The following ZIM3 variants were observed in gnomAD, a reference collection of about 807,000 sequenced individuals.
ZIM3 encodes the protein zinc finger imprinted 3, also known as zinc finger protein 657.
A neutral mutation model predicts 12.9 loss-of-function variants in ZIM3; 11 were observed. That is an observed-to-expected ratio of 0.85 (90% CI 0.54 to 1.41). The LOEUF is 1.41. Ranked by LOEUF, ZIM3 falls within the 40% of genes most tolerant of loss-of-function variation. The probability of loss-of-function intolerance (pLI) is 0.00; values close to 1 mark genes in which losing one functional copy is unlikely to be tolerated. For synonymous variants in ZIM3, 205 were observed against 198.5 expected (o/e 1.03, Z -0.28); for missense variants, 604 against 557.2 (o/e 1.08, Z -0.85).
Position 57,135,333 on chromosome 19 carries a change from T to C in ZIM3, c.1004A>G (p.Tyr335Cys), listed in dbSNP as rs374201419. The C allele has an allele frequency of 4.5e-5, 72 of 1,613,980 alleles. No homozygotes were observed. The Admixed American group carries it at 6.0e-4, about 13-fold the overall frequency. The change falls in exon 5 of 5, where the codon TAT (tyrosine) becomes TGT (cysteine). Residue 335 changes from tyrosine (Y) to cysteine (C), a missense_variant. By Grantham distance (194) the Tyr-to-Cys change is radical. Coordinates refer to ENST00000269834, the MANE Select transcript of ZIM3 (RefSeq NM_052882.1). Reference sequence around the variant, plus strand: ...GGCCTTCTCACATATGCTACATTTATAGGGTTTCTCTCCCGTGTGTATTCT... The same window carrying C: ...GGCCTTCTCACATATGCTACATTTACAGGGTTTCTCTCCCGTGTGTATTCT... The part of the protein sequence containing the change: ...HQRIHTGEKP[Y>C]KCSICEKAFS...
In ZIM3 at chr19:57,135,821, A is replaced by G. The variant is rs1265817071; in HGVS notation, c.516T>C (p.Cys172=). ...FVGQQLKCNA[C]RKLFSSKSRL... The stretch of plus-strand genomic sequence containing the variant: ...GTGACTTTGAACTGAATAACTTTCT[A>G]CAGGCATTACATTTCAGTTGTTGTC... The change falls in exon 5 of 5, where the codon TGT becomes TGC. Residue 172 remains cysteine, a synonymous_variant. Transcript: ENST00000269834. 1.2e-6 allele frequency: 2 copies of G among 1,614,154 alleles called. No homozygotes were observed. Among genetic ancestry groups the G allele is most frequent in the Admixed American group, 1.7e-5 (1 of 60,022 alleles).
chr19:57,141,896 A>G (rs1390738959), intron 2 of ZIM3, among the ~76,000 whole-genome samples: 3 of 151,368 alleles, frequency 2.0e-5, no homozygotes, highest in Non-Finnish European at 4.4e-5. Context: ...GAAACTCACC[A>G]CAACAGATGT....
At chr19:57,139,674 C>T (rs1234301341) in intron 2 of ZIM3, among the ~76,000 whole-genome samples, 3 of 152,182 alleles carry the variant, frequency 2.0e-5, no homozygotes, top group Non-Finnish European at 2.9e-5. Flanking sequence ...TTGCAGTGAG[C>T]TGAGATCACA....
intron 3 of ZIM3, among the ~76,000 whole-genome samples, chr19:57,138,116 G>GAAGGAGGC (rs2086898064): frequency 4.0e-5 from 1 of 25,164 alleles, no homozygotes; most frequent in African/African-American, 8.8e-5. Flanking sequence ...AGGAGGCAGG[G>GAAGGAGGC]AGGGAGGGAG....
chr19:57,139,616 C>G lies in ZIM3; in HGVS notation c.16-1018G>C, dbSNP rs989259704. 2.0e-5 allele frequency among the ~76,000 whole-genome samples: 3 copies of G among 151,950 alleles called. No individual in the cohort carries two copies. The South Asian group carries it at 6.2e-4, about 32-fold the overall frequency. On this transcript the variant is annotated intron_variant, in intron 2 of 4. Coordinates refer to ENST00000269834, the MANE Select transcript of ZIM3 (RefSeq NM_052882.1). ...TGGTGCGCGCCTGTAATCCCAGCTA[C>G]TCAGGAGGCTGAGGCAGGAGAATCG...
intron 3 of ZIM3, among the ~76,000 whole-genome samples, chr19:57,137,518 G>C (rs2086892066): frequency 6.6e-6 from 1 of 151,684 alleles, no homozygotes; most frequent in South Asian, 2.1e-4. Context: ...TTCAAGACTA[G>C]CCTCACCAAC....
At chr19:57,137,150 G>T (rs1252184644) in intron 3 of ZIM3, among the ~76,000 whole-genome samples, 179 bp from the exon 4 acceptor site, 1 of 152,138 alleles carries the variant, frequency 6.6e-6, no homozygotes, top group African/African-American at 2.4e-5. Flanking sequence ...GTGGATGGAT[G>T]GTTTGAGGGA....
intron 2 of ZIM3, among the ~76,000 whole-genome samples, chr19:57,140,762 A>G (rs529517037): frequency 6.6e-6 from 1 of 152,092 alleles, no homozygotes; most frequent in East Asian, 1.9e-4. Context: ...GTGAGCCACC[A>G]CACCCAGCCT....
intron 4 of ZIM3, among the ~76,000 whole-genome samples, chr19:57,136,523 G>A (rs926088824): frequency 2.0e-5 from 3 of 151,962 alleles, no homozygotes; most frequent in Admixed American, 6.6e-5. Flanking sequence ...AATTCGCCGG[G>A]CATGGTGGCA....
At chr19:57,143,344 A>AG (rs369066233) in intron 1 of ZIM3, among the ~76,000 whole-genome samples, 28 of 146,876 alleles carry the variant, frequency 1.9e-4, no homozygotes, top group African/African-American at 6.1e-4. Context: ...AAAAAAAAAA[A>AG]AGAGAGAGAG....
In ZIM3 at chr19:57,145,115, C is replaced by T. The variant is rs1222199786; in HGVS notation, c.-299G>A. 2 of 152,166 alleles carry T rather than the reference C, an allele frequency of 1.3e-5. No individual in the cohort carries two copies. Among genetic ancestry groups the T allele is most frequent in the South Asian group, 2.1e-4 (1 of 4,836 alleles). 9.4% of individuals were successfully genotyped at this position (152,166 alleles called of 1,614,324 possible). A position where few individuals can be genotyped will look rare whatever the true frequency, so the allele number is the denominator to read the frequency against. Reference sequence around the variant, plus strand: ...AAATTTCAATTCCCAATTCTTTCCTCGACTTCTCCAAAACTGAATGAACTC... The same window carrying T: ...AAATTTCAATTCCCAATTCTTTCCTTGACTTCTCCAAAACTGAATGAACTC... On this transcript the variant is annotated 5_prime_UTR_variant, in exon 1 of 5. Coordinates refer to ENST00000269834, the MANE Select transcript of ZIM3 (RefSeq NM_052882.1).
At chr19:57,138,214 G>C (rs113014641) in intron 3 of ZIM3, among the ~76,000 whole-genome samples, 2 of 152,226 alleles carry the variant, frequency 1.3e-5, no homozygotes, top group African/African-American at 2.4e-5. Context: ...CCAGGAGTAG[G>C]GTGAAGGGCA....
chr19:57,141,441 G>C (rs1262761525), intron 2 of ZIM3, among the ~76,000 whole-genome samples: 1 of 149,536 alleles, frequency 6.7e-6, no homozygotes, highest in African/African-American at 2.5e-5. Context: ...AAAGATGCTT[G>C]AGCTGAAACC....
chr19:57,135,983 T>C lies in ZIM3; in HGVS notation c.354A>G (p.Val118=), dbSNP rs2086885079. ...GTATTTTCTTAGATCCGTCACATTC[T>C]ACACCTTTCTGCGTAGTCAGCGTTT... ...NKETLTTQKG[V]ECDGSKKILP... The change falls in exon 5 of 5, where the codon GTA becomes GTG. Residue 118 remains valine (V), a synonymous_variant. Transcript: ENST00000269834. 6.2e-7 allele frequency: 1 copy of C among 1,614,226 alleles called. No individual in the cohort carries two copies.
Position 57,137,049 on chromosome 19 carries a change from C to A in ZIM3, c.143-78G>T, listed in dbSNP as rs1249587832. The A allele has an allele frequency of 3.7e-6, 5 of 1,344,128 alleles. No individual in the cohort carries two copies. In the South Asian group the frequency reaches 5.9e-5, roughly 16 times the overall value. 83.3% of individuals were successfully genotyped at this position (1,344,128 alleles called of 1,614,324 possible). On this transcript the variant is annotated intron_variant, in intron 3 of 4. Coordinates refer to ENST00000269834, the MANE Select transcript of ZIM3 (RefSeq NM_052882.1). Reference sequence around the variant, plus strand: ...GTGCAAGTGTATGAGTGTATATAAGCGCTTGCGTATGCTTGTGTGAATATT... The same window carrying A: ...GTGCAAGTGTATGAGTGTATATAAGAGCTTGCGTATGCTTGTGTGAATATT...
chr19:57,140,423 G>A (rs569940559), intron 2 of ZIM3, among the ~76,000 whole-genome samples: 3 of 152,142 alleles, frequency 2.0e-5, no homozygotes, highest in East Asian at 1.9e-4. Context: ...TGATCTGCCC[G>A]CATCGGCCTC....
intron 2 of ZIM3, among the ~76,000 whole-genome samples, chr19:57,139,900 G>A (rs1033651523): frequency 3.9e-5 from 6 of 152,180 alleles, no homozygotes; most frequent in Middle Eastern, 3.4e-3. Context: ...TGTTACAGGG[G>A]CCAGCGTCTG....
chr19:57,135,344 T>C lies in ZIM3; in HGVS notation c.993A>G (p.Gly331=). 1 of 1,614,112 alleles carries C rather than the reference T, an allele frequency of 6.2e-7. No individual in the cohort carries two copies. Among genetic ancestry groups the C allele is most frequent in the Non-Finnish European group, 8.5e-7 (1 of 1,179,998 alleles). ...ATATGCTACATTTATAGGGTTTCTCTCCCGTGTGTATTCTCTGGTGTTTCA... is the reference window on the plus strand; with the variant it reads ...ATATGCTACATTTATAGGGTTTCTCCCCCGTGTGTATTCTCTGGTGTTTCA... The part of the protein sequence containing the change: ...DLVKHQRIHT[G]EKPYKCSICE... The change falls in exon 5 of 5, where the codon GGA becomes GGG. Residue 331 remains glycine, a synonymous_variant. Transcript: ENST00000269834.
intron 3 of ZIM3, 37 bp from the exon 4 acceptor site, chr19:57,137,008 G>A (rs2086890169): frequency 6.2e-7 from 1 of 1,603,108 alleles, no homozygotes. Flanking sequence ...GGTGTTTGTG[G>A]ATGTGTGAGT....
Sources: gnomAD v4.1 joint callset for allele counts (sites outside exome capture counted in the v4.1 genomes callset) on GRCh38, gnomAD v4.1.1 for gene constraint, MANE v1.5 for transcripts, NCBI Gene and HGNC (gene_info 2026-07-23, HGNC 2026-07-21) for gene names.